ALG10B: variants seen among roughly 807,000 people sequenced by gnomAD.
ALG10B encodes ALG10 alpha-1,2-glucosyltransferase B.
A neutral mutation model predicts 38.7 loss-of-function variants in ALG10B; 27 were observed. That is an observed-to-expected ratio of 0.70 (90% CI 0.51 to 0.96). The LOEUF (loss-of-function observed/expected upper bound fraction) is 0.96, where lower values mean the gene tolerates loss of function less well. Among genes scored for constraint, ALG10B ranks in the 40% least tolerant of loss-of-function variants. The probability of loss-of-function intolerance (pLI) is 0.00; values close to 1 mark genes in which losing one functional copy is unlikely to be tolerated. For missense variants in ALG10B, 522 were observed against 542.7 expected, an observed-to-expected ratio of 0.96 and a Z score of 0.38; for synonymous variants, 177 against 193.3, an observed-to-expected ratio of 0.92 and a Z score of 0.70.
chr12:38,320,495 A>C lies in ALG10B; in HGVS notation c.704A>C (p.Gln235Pro). The change falls in exon 3 of 3, where the codon CAG (glutamine) becomes CCG (proline). Residue 235 changes from glutamine to proline, a missense_variant. Physicochemically the swap from Gln to Pro is moderately conservative, Grantham distance 76. Transcript: ENST00000308742. ...GPFAEFRKIL[Q>P]FLLAYSMSFK... ...TTTGCAGAATTCAGAAAAATTCTTC[A>C]GTTTCTTTTGGCTTATTCCATGTCC... 6.2e-7 allele frequency: 1 copy of C among 1,614,066 alleles called. No homozygotes were observed. Among genetic ancestry groups the C allele is most frequent in the Non-Finnish European group, 8.5e-7 (1 of 1,179,966 alleles).
Position 38,328,815 on chromosome 12 carries a change from C to T in ALG10B, c.*7602C>T, listed in dbSNP as rs1945768624. On this transcript the variant is annotated 3_prime_UTR_variant, in exon 3 of 3. Coordinates refer to ENST00000308742, the MANE Select transcript of ALG10B (RefSeq NM_001013620.4). ...CATATGACATAGTTAGAATCTTTTC[C>T]CACAAACAATGAGTGATGATATCTC... The T allele has an allele frequency of 1.2e-5, 2 of 170,096 alleles. No homozygotes were observed. Among genetic ancestry groups the T allele is most frequent in the Admixed American group, 1.3e-4 (2 of 15,784 alleles). The allele number at this position is 170,096 out of a possible 1,614,324, so 10.5% of individuals were successfully genotyped here.
In ALG10B at chr12:38,321,241, T is replaced by C; in HGVS notation, c.*28T>C. The C allele has an allele frequency of 3.8e-6, 6 of 1,597,802 alleles. No individual in the cohort carries two copies. Among genetic ancestry groups the C allele is most frequent in the Non-Finnish European group, 5.1e-6 (6 of 1,170,058 alleles). On this transcript the variant is annotated 3_prime_UTR_variant, in exon 3 of 3. Coordinates refer to ENST00000308742, the MANE Select transcript of ALG10B (RefSeq NM_001013620.4). ...TCAGTGATATTTTGAACTGTAAAAA[T>C]GGACTTAATAATTAGACCATTTCTA...
At position 38,321,334 on chromosome 12, in the gene ALG10B, A is replaced by G. The variant is rs1399937424; in HGVS notation, c.*121A>G. ...GGTGCAGTGGTGGTCCTCAAATTACATTAGTTTTTTTAATATATATTTTAA... is the reference window on the plus strand; with the variant it reads ...GGTGCAGTGGTGGTCCTCAAATTACGTTAGTTTTTTTAATATATATTTTAA... On this transcript the variant is annotated 3_prime_UTR_variant, in exon 3 of 3. Transcript: ENST00000308742. 9.8e-6 allele frequency: 10 copies of G among 1,016,574 alleles called. No homozygotes were observed. The highest frequency in any genetic ancestry group is 1.2e-5 in the Non-Finnish European group (9 of 723,582). 63.0% of individuals were successfully genotyped at this position (1,016,574 alleles called of 1,614,324 possible).
intron 1 of ALG10B, 62 bp downstream of exon 1, chr12:38,317,126 CCTT>C: frequency 6.2e-7 from 1 of 1,610,020 alleles, no homozygotes; most frequent in Non-Finnish European, 8.5e-7. Flanking sequence ...GTCCCCAGCT[CCTT>C]CTCCCATCTT....
rs1396944016 is a variant in ALG10B at position 38,320,143 on chromosome 12, G to GT, written c.370-12dup. On this transcript the variant is annotated splice_polypyrimidine_tract_variant and intron_variant, in intron 2 of 2. Transcript: ENST00000308742. Reference sequence around the variant, plus strand: ...TTATCATTAAAATAATTGTATCTGTGTTTTTTCTTCCTCCAAGGCTGCCTC... The same window carrying GT: ...TTATCATTAAAATAATTGTATCTGTGTTTTTTTCTTCCTCCAAGGCTGCCTC... 6.2e-7 allele frequency: 1 copy of GT among 1,613,542 alleles called. No individual in the cohort carries two copies. Among genetic ancestry groups the GT allele is most frequent in the African/African-American group, 1.3e-5 (1 of 74,896 alleles).
rs1424136444 is a variant in ALG10B at position 38,323,332 on chromosome 12, G to C, written c.*2119G>C. Reference sequence around the variant, plus strand: ...CTTTGGTCTGACTTTGTAGATTAGGGAACAACTGCTGGGGTAGGATTATTT... The same window carrying C: ...CTTTGGTCTGACTTTGTAGATTAGGCAACAACTGCTGGGGTAGGATTATTT... On this transcript the variant is annotated 3_prime_UTR_variant, in exon 3 of 3. Coordinates refer to ENST00000308742, the MANE Select transcript of ALG10B (RefSeq NM_001013620.4). 1 of 152,296 alleles carries C rather than the reference G, an allele frequency of 6.6e-6. No individual in the cohort carries two copies. The highest frequency in any genetic ancestry group is 2.4e-5 in the African/African-American group (1 of 41,416). The allele number at this position is 152,296 out of a possible 1,614,324, so 9.4% of individuals were successfully genotyped here. A position where few individuals can be genotyped will look rare whatever the true frequency, so the allele number is the denominator to read the frequency against.
chr12:38,327,504 T>C lies in ALG10B; in HGVS notation c.*6291T>C, dbSNP rs1160159500. 2.6e-5 allele frequency: 4 copies of C among 152,222 alleles called. No homozygotes were observed. Among genetic ancestry groups the C allele is most frequent in the Admixed American group, 2.6e-4 (4 of 15,282 alleles). The allele number at this position is 152,222 out of a possible 1,614,324, so 9.4% of individuals were successfully genotyped here. On this transcript the variant is annotated 3_prime_UTR_variant, in exon 3 of 3. Transcript: ENST00000308742. ...TATGAGGCAGATGTTGATTTCTCTTTGACTGCTGAAGAAACTGAAGGTCGG... is the reference window on the plus strand; with the variant it reads ...TATGAGGCAGATGTTGATTTCTCTTCGACTGCTGAAGAAACTGAAGGTCGG...
chr12:38,323,634 A>G lies in ALG10B; in HGVS notation c.*2421A>G. ...AAAATTGTGTGCAGGTGAAAATTAC[A>G]AGTATAATTTGAGTAATAAATGCAG... On this transcript the variant is annotated 3_prime_UTR_variant, in exon 3 of 3. Coordinates refer to ENST00000308742, the MANE Select transcript of ALG10B (RefSeq NM_001013620.4). The G allele has an allele frequency of 5.2e-6, 2 of 382,256 alleles. No individual in the cohort carries two copies. Among genetic ancestry groups the G allele is most frequent in the Non-Finnish European group, 9.4e-6 (2 of 212,348 alleles). 23.7% of individuals were successfully genotyped at this position (382,256 alleles called of 1,614,324 possible).
chr12:38,316,879 G>T lies in ALG10B; in HGVS notation c.-15G>T. The T allele has an allele frequency of 6.2e-7, 1 of 1,614,076 alleles. No homozygotes were observed. Among genetic ancestry groups the T allele is most frequent in the Non-Finnish European group, 8.5e-7 (1 of 1,179,984 alleles). ...TCCAGGAGTGGGTTCTTGGGCAGTG[G>T]CTGTGGGAGCAGGAATGGCGCAGCT... On this transcript the variant is annotated 5_prime_UTR_variant, in exon 1 of 3. Coordinates refer to ENST00000308742, the MANE Select transcript of ALG10B (RefSeq NM_001013620.4).
At position 38,324,155 on chromosome 12, in the gene ALG10B, C is replaced by CCCT; in HGVS notation, c.*2944_*2945insTCC. 1 of 478,816 alleles carries CCCT rather than the reference C, an allele frequency of 2.1e-6. No homozygotes were observed. The highest frequency in any genetic ancestry group is 3.7e-6 in the Non-Finnish European group (1 of 269,826). The allele number at this position is 478,816 out of a possible 1,614,324, so 29.7% of individuals were successfully genotyped here. ...TCAAGCAGTTCTCCTGCCTCAGCCTCCCGAGTAGCTGAGATTATAGGCGCC... is the reference window on the plus strand; with the variant it reads ...TCAAGCAGTTCTCCTGCCTCAGCCTCCCTCCGAGTAGCTGAGATTATAGGCGCC... On this transcript the variant is annotated 3_prime_UTR_variant, in exon 3 of 3. Coordinates refer to ENST00000308742, the MANE Select transcript of ALG10B (RefSeq NM_001013620.4).
At position 38,327,642 on chromosome 12, in the gene ALG10B, T is replaced by A. The variant is rs1301266999; in HGVS notation, c.*6429T>A. 1.3e-5 allele frequency: 2 copies of A among 152,114 alleles called. No individual in the cohort carries two copies. Among genetic ancestry groups the A allele is most frequent in the Non-Finnish European group, 2.9e-5 (2 of 68,018 alleles). 9.4% of individuals were successfully genotyped at this position (152,114 alleles called of 1,614,324 possible). A position where few individuals can be genotyped will look rare whatever the true frequency, so the allele number is the denominator to read the frequency against. Reference sequence around the variant, plus strand: ...CATATTCTGCCTCACTATGAAAAGTTTTTTTTCAATTTTTTTTAAATCAAA... The same window carrying A: ...CATATTCTGCCTCACTATGAAAAGTATTTTTTCAATTTTTTTTAAATCAAA... On this transcript the variant is annotated 3_prime_UTR_variant, in exon 3 of 3. Coordinates refer to ENST00000308742, the MANE Select transcript of ALG10B (RefSeq NM_001013620.4).
chr12:38,317,743 A>G (rs1451815382), intron 1 of ALG10B: 1 of 178,448 alleles, frequency 5.6e-6, no homozygotes, highest in Non-Finnish European at 1.2e-5. Flanking sequence ...GTGATTTACT[A>G]GTTTTGTGAT....
Position 38,322,282 on chromosome 12 carries a change from C to T in ALG10B, c.*1069C>T, listed in dbSNP as rs1945710811. The T allele has an allele frequency of 6.6e-6, 1 of 152,134 alleles. No individual in the cohort carries two copies. 9.4% of individuals were successfully genotyped at this position (152,134 alleles called of 1,614,324 possible). ...GGACAGTGTCTTTGAATGTAGGGCC[C>T]ACCCTGATCTAGGGTGATTGTGTCT... is the stretch of plus-strand genomic sequence containing the variant. On this transcript the variant is annotated 3_prime_UTR_variant, in exon 3 of 3. Transcript: ENST00000308742.
At position 38,324,351 on chromosome 12, in the gene ALG10B, G is replaced by A. The variant is rs1945726612; in HGVS notation, c.*3138G>A. On this transcript the variant is annotated 3_prime_UTR_variant, in exon 3 of 3. Transcript: ENST00000308742. ...CCCAGCTCTTCTAGTTCATTTTTAA[G>A]TGTTGAGTCCCTGCTGTTTAAGAGA... 7.3e-6 allele frequency: 1 copy of A among 136,564 alleles called. No individual in the cohort carries two copies. The highest frequency in any genetic ancestry group is 2.4e-4 in the South Asian group (1 of 4,120). 8.5% of individuals were successfully genotyped at this position (136,564 alleles called of 1,614,324 possible).
At chr12:38,317,294 A>G in intron 1 of ALG10B, 1 of 679,086 alleles carries the variant, frequency 1.5e-6, no homozygotes, top group South Asian at 2.0e-5. Context: ...GATCTGGGAG[A>G]ATACTTAGTG....
At position 38,320,901 on chromosome 12, in the gene ALG10B, A is replaced by T. The variant is rs531634792; in HGVS notation, c.1110A>T (p.Lys370Asn). Residue 370 changes from lysine to asparagine, a missense_variant, in exon 3 of 3, where the codon AAA (lysine) becomes AAT (asparagine). By Grantham distance (94) the Lys-to-Asn change is moderately conservative. Transcript: ENST00000308742. Reference protein sequence around the residue: ...KRVFQRYAILKYLLVPAYIFA... With the variant: ...KRVFQRYAILNYLLVPAYIFA... ...TTTTTCAAAGATATGCAATTCTGAA[A>T]TATTTGTTAGTTCCAGCCTATATAT... 2.6e-5 allele frequency: 42 copies of T among 1,613,864 alleles called. No individual in the cohort carries two copies. The East Asian group carries it at 9.4e-4, about 36-fold the overall frequency.
Position 38,316,854 on chromosome 12 carries a change from T to C in ALG10B, c.-40T>C. ...GCTCGGGTTTCCGGGCTCAGAATTT[T>C]CCAGGAGTGGGTTCTTGGGCAGTGG... On this transcript the variant is annotated 5_prime_UTR_variant, in exon 1 of 3. Coordinates refer to ENST00000308742, the MANE Select transcript of ALG10B (RefSeq NM_001013620.4). 2 of 1,613,884 alleles carry C rather than the reference T, an allele frequency of 1.2e-6. No individual in the cohort carries two copies. The highest frequency in any genetic ancestry group is 1.7e-6 in the Non-Finnish European group (2 of 1,179,914).
rs183263763 is a variant in ALG10B, at chr12:38,320,435, A to G, written c.644A>G (p.Lys215Arg). The change falls in exon 3 of 3, where the codon AAG becomes AGG. Residue 215 changes from lysine (K) to arginine (R), a missense_variant. Physicochemically the swap from Lys to Arg is conservative, Grantham distance 26 (BLOSUM62 2). Transcript: ENST00000308742. ...LTEAWKTELQ[K>R]KEDRLPPIKG... is the part of the protein sequence containing the mutation. ...GAGGCTTGGAAAACTGAGCTACAAA[A>G]GAAGGAAGACAGACTTCCACCTATT... The G allele has an allele frequency of 1.6e-4, 251 of 1,614,122 alleles. 3 individuals are homozygous for G. The East Asian group carries it at 4.0e-3, about 26-fold the overall frequency.
At position 38,326,099 on chromosome 12, in the gene ALG10B, C is replaced by T. The variant is rs1274731701; in HGVS notation, c.*4886C>T. On this transcript the variant is annotated 3_prime_UTR_variant, in exon 3 of 3. Coordinates refer to ENST00000308742, the MANE Select transcript of ALG10B (RefSeq NM_001013620.4). ...TTCAACCCACAGGCCACATGCAGCC[C>T]AGGATGGCTTTGAATGCGGCCCCAA... The T allele has an allele frequency of 1.3e-5, 2 of 152,102 alleles. No homozygotes were observed. The highest frequency in any genetic ancestry group is 1.9e-4 in the East Asian group (1 of 5,184). The allele number at this position is 152,102 out of a possible 1,614,324, so 9.4% of individuals were successfully genotyped here.
Sources: allele counts gnomAD v4.1 joint callset, GRCh38; gene constraint gnomAD v4.1.1; transcripts MANE v1.5; gene names NCBI Gene and HGNC (gene_info 2026-07-23, HGNC 2026-07-21).